SRGAP2C: variants seen among roughly 807,000 people sequenced by gnomAD.
The protein encoded by SRGAP2C is SLIT-ROBO Rho GTPase-activating protein 2C.
SRGAP2C carries 15 observed loss-of-function variants against 25.1 expected under a neutral mutation model. The ratio of observed to expected loss-of-function variants is 0.60; its 90% confidence interval spans 0.40 to 0.92. The LOEUF (loss-of-function observed/expected upper bound fraction) is 0.92, where lower values mean the gene tolerates loss of function less well. SRGAP2C is among the 40% of genes least tolerant of loss of function. The probability of loss-of-function intolerance (pLI) is 0.00; values close to 1 mark genes in which losing one functional copy is unlikely to be tolerated. For missense variants in SRGAP2C, 144 were observed against 264.4 expected, an observed-to-expected ratio of 0.54 and a Z score of 3.16; for synonymous variants, 44 against 96.6, an observed-to-expected ratio of 0.46 and a Z score of 3.19.
At chr1:121,372,197 G>A (rs1362784558) in intron 5 of SRGAP2C, among the ~76,000 whole-genome samples, 2 of 152,020 alleles carry the variant, frequency 1.3e-5, no homozygotes, top group Admixed American at 1.3e-4. Flanking sequence ...GATTTTGTCA[G>A]TGTCCCAGTA....
chr1:121,208,726 T>G lies in SRGAP2C; in HGVS notation c.67+21213T>G, dbSNP rs587768761. 2.2e-4 allele frequency among the ~76,000 whole-genome samples: 33 copies of G among 152,058 alleles called. No individual in the cohort carries two copies. The East Asian group carries it at 4.1e-3, about 19-fold the overall frequency. ...AGGGACTGTTTCTGTTTATCGTTGT[T>G]TTCTAGCATCTAGCAGAGTGCTTAG... On this transcript the variant is annotated intron_variant, in intron 2 of 9. Transcript: ENST00000367123.
At chr1:121,270,358 A>G (rs2101546353) in intron 2 of SRGAP2C, among the ~76,000 whole-genome samples, 1 of 150,702 alleles carries the variant, frequency 6.6e-6, no homozygotes, top group Admixed American at 6.7e-5. Context: ...TTAGCAATCC[A>G]TTGATTCTTA....
intron 4 of SRGAP2C, among the ~76,000 whole-genome samples, chr1:121,336,542 C>T (rs1658519888): frequency 9.5e-6 from 1 of 104,952 alleles, no homozygotes; most frequent in Admixed American, 1.0e-4. Context: ...CCTTCCCTTC[C>T]TTTTCTCTAT....
intron 3 of SRGAP2C, among the ~76,000 whole-genome samples, chr1:121,319,615 C>T (rs1272890460): frequency 1.3e-5 from 2 of 151,496 alleles, no homozygotes; most frequent in East Asian, 2.0e-4. Flanking sequence ...CTAATGTCTT[C>T]GAAGCTAATG....
At chr1:121,287,644 G>A (rs1438627409) in intron 3 of SRGAP2C, among the ~76,000 whole-genome samples, 1 of 152,202 alleles carries the variant, frequency 6.6e-6, no homozygotes, top group Non-Finnish European at 1.5e-5. Flanking sequence ...GTCATCTTGT[G>A]TCCGGAATTG....
chr1:121,359,556 C>T (rs1659139233), intron 4 of SRGAP2C, among the ~76,000 whole-genome samples: 2 of 152,122 alleles, frequency 1.3e-5, no homozygotes, highest in South Asian at 4.1e-4. Context: ...TTGTTTGAAG[C>T]CAGGAGTTTG....
chr1:121,238,407 G>T (rs1553329083), intron 2 of SRGAP2C, among the ~76,000 whole-genome samples: 1 of 151,056 alleles, frequency 6.6e-6, no homozygotes, highest in African/African-American at 2.4e-5. Context: ...AATGTGCCTG[G>T]TACTATGCTG....
chr1:121,239,271 ATATATATATAC>A (rs1417855269), intron 2 of SRGAP2C, among the ~76,000 whole-genome samples: 1 of 3,172 alleles, frequency 3.2e-4, no homozygotes, highest in African/African-American at 6.2e-3. Flanking sequence ...TATATACTAT[ATATATATATAC>A]TATATATATA....
chr1:121,195,470 T>A (rs1654809448), intron 2 of SRGAP2C, among the ~76,000 whole-genome samples: 1 of 151,156 alleles, frequency 6.6e-6, no homozygotes, highest in Admixed American at 6.6e-5. Context: ...TAGGGCCTCA[T>A]GCCTTTTTAG....
chr1:121,250,266 A>T (rs1656323724), intron 2 of SRGAP2C, among the ~76,000 whole-genome samples: 2 of 96,648 alleles, frequency 2.1e-5, no homozygotes, highest in South Asian at 5.7e-4. Context: ...TCCCCTAAAT[A>T]GAAAAACGGG....
chr1:121,308,568 G>T (rs1657903159), intron 3 of SRGAP2C, among the ~76,000 whole-genome samples: 1 of 150,936 alleles, frequency 6.6e-6, no homozygotes, highest in Non-Finnish European at 1.5e-5. Context: ...TTGAGCCCAG[G>T]AGTTTGAGGC....
intron 4 of SRGAP2C, among the ~76,000 whole-genome samples, chr1:121,338,804 ATCT>A (rs1227861305): frequency 3.6e-5 from 5 of 140,648 alleles, no homozygotes; most frequent in Non-Finnish European, 7.7e-5. Context: ...GAGAAGTAAC[ATCT>A]TCTATTTTTT....
Position 121,379,087 on chromosome 1 carries a change from G to C in SRGAP2C, c.832-3614G>C, listed in dbSNP as rs1358489693. ...TGTCCTCATGCATAGCTGGAGTGTTGTAAGTGCCGTGTACATGTATGGAAG... is the reference window on the plus strand; with the variant it reads ...TGTCCTCATGCATAGCTGGAGTGTTCTAAGTGCCGTGTACATGTATGGAAG... On this transcript the variant is annotated intron_variant, in intron 7 of 9. Transcript: ENST00000367123. Among the ~76,000 whole-genome samples the C allele has an allele frequency of 2.6e-5, 4 of 152,204 alleles. No homozygotes were observed. The East Asian group carries it at 7.7e-4, about 29-fold the overall frequency.
rs1660067279 is a variant in SRGAP2C at position 121,391,116 on chromosome 1, T to A, written c.*3261T>A. ...GCTCACGCCTGTAATCCCAGCACTT[T>A]GGGAGGCCGAGGCGGGTGGATCACC... On this transcript the variant is annotated 3_prime_UTR_variant, in exon 10 of 10. Coordinates refer to ENST00000367123, the MANE Select transcript of SRGAP2C (RefSeq NM_001329984.2). 6.6e-6 allele frequency: 1 copy of A among 151,784 alleles called. No individual in the cohort carries two copies. Among genetic ancestry groups the A allele is most frequent in the Admixed American group, 6.6e-5 (1 of 15,246 alleles). The allele number at this position is 151,784 out of a possible 1,614,324, so 9.4% of individuals were successfully genotyped here.
intron 4 of SRGAP2C, among the ~76,000 whole-genome samples, chr1:121,328,234 C>T (rs1444493224): frequency 6.6e-6 from 1 of 151,544 alleles, no homozygotes. Flanking sequence ...TATGTTTTAC[C>T]AGTAAATTTG....
intron 2 of SRGAP2C, among the ~76,000 whole-genome samples, chr1:121,201,591 G>T (rs1424647077): frequency 6.6e-6 from 1 of 152,250 alleles, no homozygotes; most frequent in Non-Finnish European, 1.5e-5. Flanking sequence ...ATGCGCGTGT[G>T]CGCGCACGCA....
chr1:121,206,144 G>T (rs1374094624), intron 2 of SRGAP2C, among the ~76,000 whole-genome samples: 13 of 151,458 alleles, frequency 8.6e-5, no homozygotes, highest in Non-Finnish European at 1.6e-4. Flanking sequence ...TACCGCTCCT[G>T]CATCACTTCC....
chr1:121,201,624 A>G (rs1236510949), intron 2 of SRGAP2C, among the ~76,000 whole-genome samples: 1 of 152,242 alleles, frequency 6.6e-6, no homozygotes, highest in African/African-American at 2.4e-5. Context: ...ACACACAAAT[A>G]CTCTAACAAA....
chr1:121,355,511 C>T (rs1553347432), intron 4 of SRGAP2C, among the ~76,000 whole-genome samples: 2 of 110,400 alleles, frequency 1.8e-5, no homozygotes, highest in Non-Finnish European at 3.8e-5. Context: ...TTAGTAGAGA[C>T]GGGGTTTCAC....
Sources: allele counts gnomAD v4.1 joint callset (sites outside exome capture counted in the v4.1 genomes callset), GRCh38; gene constraint gnomAD v4.1.1; transcripts MANE v1.5; gene names NCBI Gene and HGNC (gene_info 2026-07-23, HGNC 2026-07-21).